DOCK5: variants seen among roughly 807,000 people sequenced by gnomAD.
DOCK5 encodes the protein dedicator of cytokinesis protein 5.
Under a neutral mutation model 251.8 loss-of-function variants are expected in DOCK5, and 142 were observed. The observed-to-expected ratio is 0.56, with a 90% CI of 0.49 to 0.65. DOCK5 has a LOEUF of 0.65. DOCK5 is among the 30% of genes least tolerant of loss of function. The probability of loss-of-function intolerance (pLI) is 0.00; values close to 1 mark genes in which losing one functional copy is unlikely to be tolerated. For synonymous variants in DOCK5, 842 were observed against 835.5 expected (o/e 1.01, Z -0.13); for missense variants, 2,111 against 2,312.3 (o/e 0.91, Z 1.79).
At chr8:25,226,324 A>C (rs1364888232) in intron 1 of DOCK5, among the ~76,000 whole-genome samples, 1 of 130,936 alleles carries the variant, frequency 7.6e-6, no homozygotes, top group Non-Finnish European at 1.5e-5. Flanking sequence ...TGCAGGTGGC[A>C]TGATCTTGGC....
In DOCK5 at chr8:25,317,241, T is replaced by C. The variant is rs1027349405; in HGVS notation, c.1443+110T>C. 23 of 1,496,992 alleles carry C rather than the reference T, an allele frequency of 1.5e-5. No homozygotes were observed. In the African/African-American group the frequency reaches 3.1e-4, roughly 20 times the overall value. 92.7% of individuals were successfully genotyped at this position (1,496,992 alleles called of 1,614,324 possible). A position where few individuals can be genotyped will look rare whatever the true frequency, so the allele number is the denominator to read the frequency against. On this transcript the variant is annotated intron_variant, in intron 14 of 51. Transcript: ENST00000276440. ...TTTGCATCAGGATGGGTTTGATTTT[T>C]CCTGAGAAAAGAAATATAAAGCCTG...
intron 1 of DOCK5, among the ~76,000 whole-genome samples, chr8:25,214,259 C>T (rs925646347): frequency 3.9e-5 from 6 of 152,052 alleles, no homozygotes; most frequent in African/African-American, 7.3e-5. Flanking sequence ...TTTTAGAGAA[C>T]GAATTCTCTG....
In DOCK5 at chr8:25,226,797, A is replaced by G. The variant is rs189156249; in HGVS notation, c.44-16877A>G. ...AAACGGGGTTTCACCGTGTTAGCCA[A>G]GATGGTCTCGATCTCCTGACTTCGT... On this transcript the variant is annotated intron_variant, in intron 1 of 51. Transcript: ENST00000276440. 5.5e-3 allele frequency among the ~76,000 whole-genome samples: 833 copies of G among 151,964 alleles called. 4 individuals are homozygous for G. Among genetic ancestry groups the G allele is most frequent in the South Asian group, 0.017 (84 of 4,808 alleles).
chr8:25,266,107 C>T (rs1350360241), intron 2 of DOCK5, among the ~76,000 whole-genome samples: 1 of 151,894 alleles, frequency 6.6e-6, no homozygotes, highest in Non-Finnish European at 1.5e-5. Flanking sequence ...TCACGATTCC[C>T]TTTATTTTAA....
At position 25,377,402 on chromosome 8, in the gene DOCK5, TATC is replaced by T. The variant is rs1800981797; in HGVS notation, c.3917_3919del (p.Ser1306del). The T allele has an allele frequency of 1.2e-6, 2 of 1,613,584 alleles. No homozygotes were observed. Among genetic ancestry groups the T allele is most frequent in the African/African-American group, 1.3e-5 (1 of 74,918 alleles). ...AAAGAGAAGCTGTATCAAGAAATCATATCATATTTCGACAAAGGCAAAGTGAGT... is the reference window on the plus strand; with the variant it reads ...AAAGAGAAGCTGTATCAAGAAATCATATATTTCGACAAAGGCAAAGTGAGT... On this transcript the variant is annotated inframe_deletion, in exon 38 of 52. Coordinates refer to ENST00000276440, the MANE Select transcript of DOCK5 (RefSeq NM_024940.8).
chr8:25,275,442 G>C lies in DOCK5; in HGVS notation c.224+1G>C. Reference sequence around the variant, plus strand: ...AAGAGGCAACTGTGGAAGACCTGGGGTAAGTTCCAAGCTAGGAAGATTCCC... The same window carrying C: ...AAGAGGCAACTGTGGAAGACCTGGGCTAAGTTCCAAGCTAGGAAGATTCCC... On this transcript the variant is annotated splice_donor_variant, in intron 4 of 51. Coordinates refer to ENST00000276440, the MANE Select transcript of DOCK5 (RefSeq NM_024940.8). LOFTEE classifies it high-confidence loss of function. 1 of 1,609,638 alleles carries C rather than the reference G, an allele frequency of 6.2e-7. No individual in the cohort carries two copies. Among genetic ancestry groups the C allele is most frequent in the Non-Finnish European group, 8.5e-7 (1 of 1,178,382 alleles).
intron 42 of DOCK5, among the ~76,000 whole-genome samples, chr8:25,391,030 A>G (rs1264725650): frequency 6.6e-6 from 1 of 151,812 alleles, no homozygotes; most frequent in Non-Finnish European, 1.5e-5. Context: ...GCTGGTCTCA[A>G]ACTCCTGAGC....
rs1326018398 is a variant in DOCK5, at chr8:25,399,985, A to G, written c.4779A>G (p.Ile1593Met). Residue 1593 changes from isoleucine (I) to methionine (M), a missense_variant, in exon 46 of 52, where the codon ATA (isoleucine) becomes ATG (methionine). Ile to Met is a conservative substitution (Grantham distance 10). This residue lies in a region of DOCK5 where 1,717 missense variants were observed against 1,892.4 expected (regional missense o/e 0.91). Transcript: ENST00000276440. ...QEKVELLKRL[I>M]ALQMPLLTEG... ...AGGTTGAGCTGCTAAAGCGACTAAT[A>G]GCATTACAGGTACAGGACGGCTTTC... is the stretch of plus-strand genomic sequence containing the variant. 1.2e-6 allele frequency: 2 copies of G among 1,613,424 alleles called. No individual in the cohort carries two copies. Among genetic ancestry groups the G allele is most frequent in the Admixed American group, 3.3e-5 (2 of 59,956 alleles).
intron 11 of DOCK5, 101 bp from the exon 12 acceptor site, chr8:25,308,682 A>G (rs769733702): frequency 8.5e-6 from 11 of 1,290,716 alleles, no homozygotes; most frequent in African/African-American, 3.0e-5. Flanking sequence ...TAGTGTTGAT[A>G]TCTCCAAATT....
In DOCK5 at chr8:25,413,479, G is replaced by C. The variant is rs1055259302; in HGVS notation, c.*2181G>C. 7.2e-5 allele frequency: 11 copies of C among 152,162 alleles called. No individual in the cohort carries two copies. The highest frequency in any genetic ancestry group is 2.7e-4 in the African/African-American group (11 of 41,440). 9.4% of individuals were successfully genotyped at this position (152,162 alleles called of 1,614,324 possible). A position where few individuals can be genotyped will look rare whatever the true frequency, so the allele number is the denominator to read the frequency against. ...AGGAGGCAACAGACAGGATATGTAG[G>C]GGCTTACCTAGAGCCTGGCACGACT... On this transcript the variant is annotated 3_prime_UTR_variant, in exon 52 of 52. Transcript: ENST00000276440.
intron 3 of DOCK5, among the ~76,000 whole-genome samples, chr8:25,270,474 A>G (rs1166867096): frequency 6.6e-6 from 1 of 152,202 alleles, no homozygotes; most frequent in African/African-American, 2.4e-5. Context: ...AGAGTTAACA[A>G]TTTTGATGTT....
At chr8:25,289,343 G>A (rs1367008012) in intron 5 of DOCK5, among the ~76,000 whole-genome samples, 1 of 151,512 alleles carries the variant, frequency 6.6e-6, no homozygotes, top group Non-Finnish European at 1.5e-5. Context: ...ACAGAAACAA[G>A]GTCTCGCTAT....
chr8:25,334,287 C>T, intron 21 of DOCK5, 91 bp downstream of exon 21: 1 of 1,055,812 alleles, frequency 9.5e-7, no homozygotes, highest in African/African-American at 1.6e-5. Context: ...GGACCTATTA[C>T]TATTCAGTAA....
chr8:25,217,040 G>A lies in DOCK5; in HGVS notation c.44-26634G>A, dbSNP rs750913755. Among the ~76,000 whole-genome samples the A allele has an allele frequency of 4.6e-4, 67 of 144,216 alleles. 1 individual carries two copies. The highest frequency in any genetic ancestry group is 1.7e-3 in the African/African-American group (65 of 38,514). The allele number at this position is 144,216 out of a possible 152,430, so 94.6% of individuals were successfully genotyped here. On this transcript the variant is annotated intron_variant, in intron 1 of 51. Coordinates refer to ENST00000276440, the MANE Select transcript of DOCK5 (RefSeq NM_024940.8). ...ATATGTATAGATGTATACAATATGT[G>A]TATACATGTATAGATGTATACAATA... is the stretch of plus-strand genomic sequence containing the variant.
chr8:25,238,020 T>C (rs1802845104), intron 1 of DOCK5, among the ~76,000 whole-genome samples: 1 of 152,216 alleles, frequency 6.6e-6, no homozygotes. Flanking sequence ...GTTATTCATG[T>C]TCTAGAAAGA....
At chr8:25,405,325 T>C (rs2117342359) in intron 48 of DOCK5, among the ~76,000 whole-genome samples, 1 of 152,206 alleles carries the variant, frequency 6.6e-6, no homozygotes, top group East Asian at 1.9e-4. Flanking sequence ...TCTGTAATCC[T>C]TTAGAATTTA....
In DOCK5 at chr8:25,391,845, C is replaced by T. The variant is rs1174737822; in HGVS notation, c.4356-51C>T. ...TAGGTTTTGTTGAAGTCAAGTCAAG[C>T]AGTGGTTGTTCTAAGAGAGAAAAAT... On this transcript the variant is annotated intron_variant, in intron 42 of 51. Coordinates refer to ENST00000276440, the MANE Select transcript of DOCK5 (RefSeq NM_024940.8). The T allele has an allele frequency of 2.6e-6, 4 of 1,547,828 alleles. No homozygotes were observed. In the African/African-American group the frequency reaches 4.1e-5, roughly 16 times the overall value.
chr8:25,219,405 A>T (rs956519295), intron 1 of DOCK5, among the ~76,000 whole-genome samples: 2 of 151,852 alleles, frequency 1.3e-5, no homozygotes, highest in East Asian at 1.9e-4. Context: ...GTCGCTCTTT[A>T]TATCTCTGTC....
chr8:25,280,808 T>C (rs777681205), intron 5 of DOCK5, among the ~76,000 whole-genome samples: 1 of 152,194 alleles, frequency 6.6e-6, no homozygotes, highest in Non-Finnish European at 1.5e-5. Flanking sequence ...CTTGCACTTA[T>C]ATTGAGAGTA....
Sources: gnomAD v4.1 joint callset for allele counts (sites outside exome capture counted in the v4.1 genomes callset) on GRCh38, gnomAD v4.1.1 for gene constraint, gnomAD v4.1.1 regional missense constraint, MANE v1.5 for transcripts, NCBI Gene and HGNC (gene_info 2026-07-23, HGNC 2026-07-21) for gene names.